The following PPP2R2C variants were observed in gnomAD, a reference collection of about 807,000 sequenced individuals.
PPP2R2C encodes protein phosphatase 2, regulatory subunit B, gamma.
PPP2R2C carries 10 observed loss-of-function variants against 45.3 expected under a neutral mutation model. The ratio of observed to expected loss-of-function variants is 0.22; its 90% CI spans 0.14 to 0.37. The LOEUF (loss-of-function observed/expected upper bound fraction) is 0.37, where lower values mean the gene tolerates loss of function less well. PPP2R2C is among the 10% of genes least tolerant of loss of function. The pLI is 1.00. For missense variants in PPP2R2C, 308 were observed against 619.7 expected (o/e 0.50, Z 5.34); for synonymous variants, 257 against 245.4 (o/e 1.05, Z -0.44).
At chr4:6,366,697 C>T (rs1714338066) in intron 5 of PPP2R2C, among the ~76,000 whole-genome samples, 1 of 152,178 alleles carries the variant, frequency 6.6e-6, no homozygotes, top group South Asian at 2.1e-4. Context: ...AGGAGTCAGC[C>T]AGGCCAAAGA....
At chr4:6,418,847 G>A (rs144541496) in intron 1 of PPP2R2C, among the ~76,000 whole-genome samples, 14 of 152,312 alleles carry the variant, frequency 9.2e-5, no homozygotes, top group Admixed American at 2.6e-4. Context: ...CCCCGAGCTC[G>A]GCCTGCCCTG....
At chr4:6,480,860 G>A (rs1392345475) in intron 2 of PPP2R2C, among the ~76,000 whole-genome samples, 2 of 152,352 alleles carry the variant, frequency 1.3e-5, no homozygotes, top group Admixed American at 6.5e-5. Flanking sequence ...AAGTTGATGG[G>A]TGAACGGGTA....
chr4:6,464,016 G>T (rs1278494503), intron 1 of PPP2R2C, among the ~76,000 whole-genome samples: 1 of 152,162 alleles, frequency 6.6e-6, no homozygotes, highest in East Asian at 1.9e-4. Flanking sequence ...AGTCAGGAGC[G>T]TGGGTTTGGC....
chr4:6,413,906 T>G (rs1718375958), intron 1 of PPP2R2C: 1 of 1,535,976 alleles, frequency 6.5e-7, no homozygotes, highest in Admixed American at 2.0e-5. Context: ...TGCTCACCCG[T>G]GTCTCTCTTT....
Position 6,364,646 on chromosome 4 carries a change from C to T in PPP2R2C, c.625+7877G>A, listed in dbSNP as rs1464100704. The stretch of plus-strand genomic sequence containing the variant: ...CAGTCCTCAAGCAGCCGTATGGTGT[C>T]AGCAGGGGCTTTTCCTCGCTTTACA... On this transcript the variant is annotated intron_variant, in intron 5 of 8. Transcript: ENST00000382599. This position sits in a 1 kb window ranked among gnomAD's most constrained non-coding sequence, Gnocchi z 5.3. 6.6e-6 allele frequency among the ~76,000 whole-genome samples: 1 copy of T among 152,196 alleles called. No homozygotes were observed. The highest frequency in any genetic ancestry group is 1.5e-5 in the Non-Finnish European group (1 of 68,044).
intron 6 of PPP2R2C, among the ~76,000 whole-genome samples, chr4:6,339,838 G>A (rs1159077695): frequency 2.0e-5 from 3 of 152,224 alleles, no homozygotes; most frequent in African/African-American, 4.8e-5. Context: ...GGCCATCCAC[G>A]AGGGTGGAGT....
intron 2 of PPP2R2C, among the ~76,000 whole-genome samples, chr4:6,479,320 G>A (rs1722269407): frequency 6.6e-6 from 1 of 152,166 alleles, no homozygotes; most frequent in Non-Finnish European, 1.5e-5. Flanking sequence ...GGCTCTCTTG[G>A]CTTGTTCGAC....
chr4:6,396,918 C>G (rs564953687), intron 1 of PPP2R2C, among the ~76,000 whole-genome samples: 1 of 152,154 alleles, frequency 6.6e-6, no homozygotes, highest in African/African-American at 2.4e-5. Context: ...TATTGACTCC[C>G]GCGCACTGAT....
rs76172274 is a variant in PPP2R2C at position 6,484,305 on chromosome 4, C to T, written c.49+50966G>A. The stretch of plus-strand genomic sequence containing the variant: ...TGTCAGCTGCCATATATGCATGCAT[C>T]TATTTCTGGACTCTGTATTGCATTC... On this transcript the variant is annotated intron_variant, in intron 2 of 9. Coordinates refer to the PPP2R2C transcript ENST00000506140. Among the ~76,000 whole-genome samples the T allele has an allele frequency of 2.9e-3, 447 of 152,038 alleles. 3 individuals carry two copies. Among genetic ancestry groups the T allele is most frequent in the African/African-American group, 0.01 (428 of 41,538 alleles).
At chr4:6,339,632 C>A (rs1267503617) in intron 6 of PPP2R2C, among the ~76,000 whole-genome samples, 1 of 152,220 alleles carries the variant, frequency 6.6e-6, no homozygotes, top group Non-Finnish European at 1.5e-5. Context: ...TGGGCTTGAG[C>A]CATGCATTCA....
At position 6,450,338 on chromosome 4, in the gene PPP2R2C, G is replaced by A. The variant is rs192344538; in HGVS notation, c.70+21822C>T. 5.3e-5 allele frequency among the ~76,000 whole-genome samples: 8 copies of A among 152,266 alleles called. No homozygotes were observed. The East Asian group carries it at 1.2e-3, about 22-fold the overall frequency. Reference sequence around the variant, plus strand: ...CAAATACAAGTACTGCCTTCCCCTCGCTGGTCCTCAGTGCCTCCACTTTAA... The same window carrying A: ...CAAATACAAGTACTGCCTTCCCCTCACTGGTCCTCAGTGCCTCCACTTTAA... On this transcript the variant is annotated intron_variant, in intron 1 of 8. Coordinates refer to ENST00000382599, the MANE Select transcript of PPP2R2C (RefSeq NM_020416.4).
At chr4:6,500,177 C>CA (rs1361882666) in intron 2 of PPP2R2C, among the ~76,000 whole-genome samples, 1 of 152,176 alleles carries the variant, frequency 6.6e-6, no homozygotes, top group East Asian at 1.9e-4. Context: ...GACAGAGTCT[C>CA]ACTCTTGTTG....
intron 2 of PPP2R2C, among the ~76,000 whole-genome samples, chr4:6,509,777 G>C (rs1031537840): frequency 6.6e-6 from 1 of 152,102 alleles, no homozygotes; most frequent in African/African-American, 2.4e-5. Context: ...TTCACTCTCC[G>C]TGCCTTAGTT....
intron 1 of PPP2R2C, among the ~76,000 whole-genome samples, chr4:6,429,406 G>T (rs1577176402): frequency 6.6e-6 from 1 of 152,152 alleles, no homozygotes; most frequent in East Asian, 1.9e-4. Flanking sequence ...CAGTAACAAA[G>T]ACCAAAACTT....
Position 6,453,831 on chromosome 4 carries a change from G to A in PPP2R2C, c.70+18329C>T, listed in dbSNP as rs1030164311. Among the ~76,000 whole-genome samples the A allele has an allele frequency of 4.6e-5, 7 of 152,158 alleles. No individual in the cohort carries two copies. In the East Asian group the frequency reaches 5.8e-4, roughly 13 times the overall value. ...CAAGCACAGCCCCACCGAGGGCCACGTTGGCTGATGTGGGCACCTGCAAGC... is the reference window on the plus strand; with the variant it reads ...CAAGCACAGCCCCACCGAGGGCCACATTGGCTGATGTGGGCACCTGCAAGC... On this transcript the variant is annotated intron_variant, in intron 1 of 8. Transcript: ENST00000382599.
intron 5 of PPP2R2C, among the ~76,000 whole-genome samples, chr4:6,366,286 C>G (rs539609049): frequency 9.5e-4 from 145 of 152,344 alleles, no homozygotes; most frequent in African/African-American, 3.1e-3. Flanking sequence ...CAGCCCAGGC[C>G]CGCCAGGGCC....
At chr4:6,529,529 G>A (rs1391315579) in intron 2 of PPP2R2C, among the ~76,000 whole-genome samples, 1 of 152,046 alleles carries the variant, frequency 6.6e-6, no homozygotes, top group African/African-American at 2.4e-5. Flanking sequence ...AGAAAACTGA[G>A]GATTCTTGAA....
At chr4:6,477,065 G>A (rs969801994), upstream of PPP2R2C, among the ~76,000 whole-genome samples, 5 of 152,056 alleles carry the variant, frequency 3.3e-5, no homozygotes, top group Admixed American at 6.5e-5. Flanking sequence ...ACCAGCCGAG[G>A]CAACATGGGA....
chr4:6,441,246 C>T (rs1305014394), intron 1 of PPP2R2C, among the ~76,000 whole-genome samples: 1 of 152,146 alleles, frequency 6.6e-6, no homozygotes, highest in East Asian at 1.9e-4. Flanking sequence ...TAGGGAATCT[C>T]AACATTGCTA....
Sources: allele counts gnomAD v4.1 joint callset (sites outside exome capture counted in the v4.1 genomes callset), GRCh38; gene constraint gnomAD v4.1.1; non-coding constraint Gnocchi (gnomAD v3.1); transcripts MANE v1.5; gene names NCBI Gene and HGNC (gene_info 2026-07-23, HGNC 2026-07-21).